The following AKT3 variants were observed in gnomAD, a reference collection of about 807,000 sequenced individuals.
AKT3 encodes AKT serine/threonine kinase 3, also known as RAC-gamma serine/threonine-protein kinase.
Under a neutral mutation model 65.3 loss-of-function variants are expected in AKT3, and 15 were observed. That is an observed-to-expected ratio of 0.23 (90% CI 0.15 to 0.35). The LOEUF is 0.35. Ranked by LOEUF, AKT3 falls within the 10% of genes least tolerant of loss-of-function variation. The probability of loss-of-function intolerance (pLI) is 1.00; values close to 1 mark genes in which losing one functional copy is unlikely to be tolerated. For missense variants in AKT3, 243 were observed against 576.5 expected (o/e 0.42, Z 5.92); for synonymous variants, 206 against 183.8 (o/e 1.12, Z -0.98).
intron 8 of AKT3, among the ~76,000 whole-genome samples, chr1:243,607,718 G>C (rs1014034155): frequency 6.6e-6 from 1 of 152,158 alleles, no homozygotes; most frequent in African/African-American, 2.4e-5. Flanking sequence ...ATTTGGGAGG[G>C]GCCAGGAGCA....
At chr1:243,684,883 T>C (rs1684176165) in intron 3 of AKT3, among the ~76,000 whole-genome samples, 1 of 152,238 alleles carries the variant, frequency 6.6e-6, no homozygotes. Context: ...CATTGTGTTT[T>C]GATTTGCATT....
At chr1:243,657,312 T>G (rs1230185323) in intron 4 of AKT3, among the ~76,000 whole-genome samples, 1 of 152,112 alleles carries the variant, frequency 6.6e-6, no homozygotes, top group African/African-American at 2.4e-5. Flanking sequence ...CTGTAAGAAA[T>G]AAATTTCTAT....
At chr1:243,714,329 A>C (rs1558746839) in intron 2 of AKT3, among the ~76,000 whole-genome samples, 2 of 152,356 alleles carry the variant, frequency 1.3e-5, no homozygotes, top group South Asian at 2.1e-4. Flanking sequence ...AAAATTAAAC[A>C]ATGTGTCCAC....
chr1:243,621,509 T>G (rs1390716511), intron 6 of AKT3, among the ~76,000 whole-genome samples: 1 of 152,134 alleles, frequency 6.6e-6, no homozygotes, highest in Non-Finnish European at 1.5e-5. Flanking sequence ...GGGTACACTC[T>G]TCCTTTGGTA....
At chr1:243,835,053 T>G (rs371959506) in intron 2 of AKT3, among the ~76,000 whole-genome samples, 12 of 152,154 alleles carry the variant, frequency 7.9e-5, no homozygotes, top group Admixed American at 2.0e-4. Context: ...CTACATAGAC[T>G]GTAATAAATT....
chr1:243,608,743 CTTTTTTTTTTTTTTTTT>C (rs566574203), intron 8 of AKT3, among the ~76,000 whole-genome samples: 1 of 70,806 alleles, frequency 1.4e-5, no homozygotes, highest in Non-Finnish European at 2.4e-5. Context: ...AAGTTTTTTG[CTTTTTTTTTTTTTTTTT>C]TTTTTTTTTT....
chr1:243,505,112 G>A lies in AKT3; in HGVS notation c.*137C>T, dbSNP rs187407614. On this transcript the variant is annotated 3_prime_UTR_variant, in exon 14 of 14. Transcript: ENST00000673466. ...TGTTTTCATGAGGGTGAAAGGTGGCGAGGGGTGAGGACCCTTGGCTGGTCT... is the reference window on the plus strand; with the variant it reads ...TGTTTTCATGAGGGTGAAAGGTGGCAAGGGGTGAGGACCCTTGGCTGGTCT... The A allele has an allele frequency of 1.6e-5, 11 of 685,544 alleles. No individual in the cohort carries two copies. Among genetic ancestry groups the A allele is most frequent in the Admixed American group, 2.8e-5 (1 of 36,208 alleles). The allele number at this position is 685,544 out of a possible 1,614,324, so 42.5% of individuals were successfully genotyped here.
At chr1:243,716,368 A>G (rs1686512639) in intron 2 of AKT3, among the ~76,000 whole-genome samples, 1 of 152,214 alleles carries the variant, frequency 6.6e-6, no homozygotes, top group Non-Finnish European at 1.5e-5. Flanking sequence ...TTAAATGTGA[A>G]TAATTTCTCA....
chr1:243,681,911 C>T (rs1171303399), intron 3 of AKT3, among the ~76,000 whole-genome samples: 1 of 151,960 alleles, frequency 6.6e-6, no homozygotes, highest in African/African-American at 2.4e-5. Flanking sequence ...AAAAAGCAGG[C>T]TCTTTAAAAA....
chr1:243,654,066 T>G (rs1310108379), intron 4 of AKT3, among the ~76,000 whole-genome samples: 1 of 152,162 alleles, frequency 6.6e-6, no homozygotes, highest in Non-Finnish European at 1.5e-5. Context: ...GGTCCACTTA[T>G]GTAATATATG....
intron 2 of AKT3, among the ~76,000 whole-genome samples, chr1:243,813,421 G>T (rs981582906): frequency 2.0e-5 from 3 of 151,210 alleles, no homozygotes; most frequent in Admixed American, 6.6e-5. Context: ...CCAAAATCTC[G>T]TAAGTCACCA....
intron 6 of AKT3, among the ~76,000 whole-genome samples, chr1:243,619,803 A>C (rs1252535796): frequency 1.0e-5 from 1 of 98,262 alleles, no homozygotes; most frequent in African/African-American, 2.6e-5. Context: ...CAATAAACCT[A>C]AGGGTGTAGA....
In AKT3 at chr1:243,634,308, G is replaced by A. The variant is rs1281538353; in HGVS notation, c.561+3303C>T. Reference sequence around the variant, plus strand: ...TAAATCCACATTGGTTGAATCCATGGATATGGAATACAGAGAGCCAACTGC... The same window carrying A: ...TAAATCCACATTGGTTGAATCCATGAATATGGAATACAGAGAGCCAACTGC... On this transcript the variant is annotated intron_variant, in intron 6 of 13. Transcript: ENST00000673466. Among the ~76,000 whole-genome samples the A allele has an allele frequency of 3.3e-5, 5 of 151,642 alleles. No individual in the cohort carries two copies. In the South Asian group the frequency reaches 6.3e-4, roughly 19 times the overall value.
At chr1:243,731,077 G>A (rs1558761458) in intron 2 of AKT3, among the ~76,000 whole-genome samples, 1 of 152,200 alleles carries the variant, frequency 6.6e-6, no homozygotes, top group South Asian at 2.1e-4. Flanking sequence ...ACTCAAGCAG[G>A]GGCGCCACAG....
At chr1:243,850,993 C>T (rs554144058), upstream of AKT3, 3 of 152,290 alleles carry the variant, frequency 2.0e-5, no homozygotes, top group South Asian at 6.2e-4. Context: ...CCCCGGGCGT[C>T]TCCTCCAGTC....
intron 1 of AKT3, among the ~76,000 whole-genome samples, chr1:243,847,639 G>C (rs1235972410): frequency 6.6e-6 from 1 of 152,102 alleles, no homozygotes. Flanking sequence ...TCTATGCTAA[G>C]TCCATTTGTT....
upstream of AKT3, among the ~76,000 whole-genome samples, chr1:243,850,864 C>T (rs1457269555): frequency 6.6e-6 from 1 of 152,098 alleles, no homozygotes; most frequent in Non-Finnish European, 1.5e-5. Context: ...TCTGGGTTTC[C>T]CCCTCGCCCG....
rs192917466 is a variant in AKT3 at position 243,541,766 on chromosome 1, T to C, written c.1251+3744A>G. Among the ~76,000 whole-genome samples, 12 of 152,306 alleles carry C rather than the reference T, an allele frequency of 7.9e-5. No homozygotes were observed. The East Asian group carries it at 2.3e-3, about 29-fold the overall frequency. On this transcript the variant is annotated intron_variant, in intron 12 of 13. Coordinates refer to ENST00000673466, the MANE Select transcript of AKT3 (RefSeq NM_005465.7). Reference sequence around the variant, plus strand: ...AGATTAGAAATGAAGTAAAACTTTATTTACAGAAGATATGATTGTCTGTGC... The same window carrying C: ...AGATTAGAAATGAAGTAAAACTTTACTTACAGAAGATATGATTGTCTGTGC...
rs547403507 is a variant in AKT3, at chr1:243,523,260, A to AACACACACACACACACAC, written c.1252-10852_1252-10835dup. 9.2e-4 allele frequency among the ~76,000 whole-genome samples: 116 copies of AACACACACACACACACAC among 126,508 alleles called. 2 individuals carry two copies. In the Middle Eastern group the frequency reaches 0.011, roughly 12 times the overall value. The allele number at this position is 126,508 out of a possible 152,430, so 83.0% of individuals were successfully genotyped here. On this transcript the variant is annotated intron_variant, in intron 12 of 13. Coordinates refer to ENST00000673466, the MANE Select transcript of AKT3 (RefSeq NM_005465.7). ...TGAAGCTCTGGCTCCAAAAAGGACG[A>AACACACACACACACACAC]ACACACACACACACACACACACACA... is the stretch of plus-strand genomic sequence containing the variant.
Sources: allele counts gnomAD v4.1 joint callset (sites outside exome capture counted in the v4.1 genomes callset), GRCh38; gene constraint gnomAD v4.1.1; transcripts MANE v1.5; gene names NCBI Gene and HGNC (gene_info 2026-07-23, HGNC 2026-07-21).